The following DLGAP2 variants were observed in gnomAD, a reference collection of about 807,000 sequenced individuals.
DLGAP2 encodes the protein DLG associated protein 2, also known as disks large-associated protein 2.
DLGAP2 carries 26 observed loss-of-function variants against 100.3 expected under a neutral mutation model. The ratio of observed to expected loss-of-function variants is 0.26; its 90% CI spans 0.19 to 0.36. The LOEUF (loss-of-function observed/expected upper bound fraction) is 0.36, where lower values mean the gene tolerates loss of function less well. Ranked by LOEUF, DLGAP2 falls within the 10% of genes least tolerant of loss-of-function variation. DLGAP2 has a pLI of 1.00. For missense variants in DLGAP2, 1,858 were observed against 1,453.2 expected (o/e 1.28, Z -4.53); for synonymous variants, 886 against 630.1 (o/e 1.41, Z -6.08).
chr8:1,479,005 G>T (rs1395865263), intron 3 of DLGAP2, among the ~76,000 whole-genome samples: 2 of 152,234 alleles, frequency 1.3e-5, no homozygotes, highest in African/African-American at 4.8e-5. Flanking sequence ...TAATTTATTA[G>T]CATTTCACAA....
At chr8:972,360 A>C (rs1467421178) in intron 2 of DLGAP2, among the ~76,000 whole-genome samples, 1 of 152,246 alleles carries the variant, frequency 6.6e-6, no homozygotes, top group African/African-American at 2.4e-5. Flanking sequence ...TTATCAACAG[A>C]TAGTGCTAAG....
chr8:997,806 T>C (rs1409073190), intron 2 of DLGAP2, among the ~76,000 whole-genome samples: 2 of 152,172 alleles, frequency 1.3e-5, no homozygotes, highest in Non-Finnish European at 2.9e-5. Flanking sequence ...TTAAATTTGC[T>C]TATACCTATG....
At chr8:1,610,251 A>G (rs981624689) in intron 6 of DLGAP2, among the ~76,000 whole-genome samples, 7 of 152,232 alleles carry the variant, frequency 4.6e-5, no homozygotes, top group Admixed American at 6.5e-5. Flanking sequence ...AAACTGCTCA[A>G]CTACATGGAA....
chr8:1,179,521 G>T (rs537403138), intron 2 of DLGAP2, among the ~76,000 whole-genome samples: 3 of 152,384 alleles, frequency 2.0e-5, no homozygotes, highest in African/African-American at 2.4e-5. Flanking sequence ...CTGCTGGGAT[G>T]AGGCTTCCAC....
At position 1,023,424 on chromosome 8, in the gene DLGAP2, G is replaced by A. The variant is rs138859225; in HGVS notation, c.73+115458G>A. On this transcript the variant is annotated intron_variant, in intron 2 of 14. Coordinates refer to ENST00000637795, the MANE Select transcript of DLGAP2 (RefSeq NM_001346810.2). ...TCCCAGGCCAGATTCTAACTCCTGG[G>A]TTCAAGCAGCATCCCATGACCTGAG... is the stretch of plus-strand genomic sequence containing the variant. Among the ~76,000 whole-genome samples, 811 of 152,266 alleles carry A rather than the reference G, an allele frequency of 5.3e-3. 6 individuals are homozygous for A. The highest frequency in any genetic ancestry group is 0.014 in the Middle Eastern group (4 of 294).
chr8:771,347 A>G (rs1388648161), intron 1 of DLGAP2, among the ~76,000 whole-genome samples: 2 of 152,232 alleles, frequency 1.3e-5, no homozygotes, highest in Admixed American at 1.3e-4. Context: ...TTAGATTTAA[A>G]TACGTTTCAT....
intron 2 of DLGAP2, among the ~76,000 whole-genome samples, chr8:948,770 G>T (rs1799398213): frequency 6.6e-6 from 1 of 152,274 alleles, no homozygotes; most frequent in South Asian, 2.1e-4. Flanking sequence ...AGGCCGTGGG[G>T]AGCCAGCCTT....
intron 1 of DLGAP2, among the ~76,000 whole-genome samples, chr8:776,604 T>C (rs1467487719): frequency 1.3e-5 from 2 of 152,266 alleles, no homozygotes; most frequent in African/African-American, 4.8e-5. Flanking sequence ...CATTTCGTTA[T>C]GTACCCAGTA....
At chr8:1,176,698 C>A (rs1797266619) in intron 2 of DLGAP2, among the ~76,000 whole-genome samples, 1 of 152,116 alleles carries the variant, frequency 6.6e-6, no homozygotes, top group African/African-American at 2.4e-5. Flanking sequence ...GCCCAGGGCT[C>A]CGTCTGCCAT....
In DLGAP2 at chr8:1,232,920, C is replaced by T. The variant is rs116886342; in HGVS notation, c.74-25931C>T. ...AGAATATTTTATCATCATTAGTAAC[C>T]ACTCCCATTCTAGGCCCACCCCCTG... On this transcript the variant is annotated intron_variant, in intron 2 of 14. Transcript: ENST00000637795. Among the ~76,000 whole-genome samples, 1,099 of 152,246 alleles carry T rather than the reference C, an allele frequency of 7.2e-3. 5 individuals carry two copies. Among genetic ancestry groups the T allele is most frequent in the South Asian group, 0.024 (115 of 4,814 alleles).
intron 2 of DLGAP2, among the ~76,000 whole-genome samples, chr8:1,245,594 G>A (rs545685679): frequency 4.6e-5 from 7 of 152,332 alleles, no homozygotes; most frequent in South Asian, 4.1e-4. Context: ...ATGGAAATGA[G>A]GGTTAACTGC....
intron 1 of DLGAP2, among the ~76,000 whole-genome samples, chr8:796,999 A>C (rs966089796): frequency 2.6e-5 from 4 of 152,268 alleles, no homozygotes; most frequent in Non-Finnish European, 4.4e-5. Context: ...CCCTGTTTGC[A>C]GATAGTATCT....
At chr8:1,112,402 G>A (rs556984381) in intron 2 of DLGAP2, among the ~76,000 whole-genome samples, 14 of 151,812 alleles carry the variant, frequency 9.2e-5, no homozygotes, top group Admixed American at 5.3e-4. Context: ...CACTACACCC[G>A]GCTAATTTTT....
chr8:1,478,520 T>C (rs1205028788), intron 3 of DLGAP2, among the ~76,000 whole-genome samples: 1 of 152,188 alleles, frequency 6.6e-6, no homozygotes, highest in Non-Finnish European at 1.5e-5. Flanking sequence ...CCTTTCTCTA[T>C]TCCTCTCTCC....
At chr8:1,160,713 G>C (rs1796872930) in intron 2 of DLGAP2, among the ~76,000 whole-genome samples, 1 of 152,246 alleles carries the variant, frequency 6.6e-6, no homozygotes, top group Non-Finnish European at 1.5e-5. Flanking sequence ...ACATCAGCAT[G>C]GTGCAGACCA....
intron 1 of DLGAP2, among the ~76,000 whole-genome samples, chr8:775,205 C>G (rs1393396927): frequency 1.3e-5 from 2 of 151,302 alleles, no homozygotes; most frequent in African/African-American, 4.8e-5. Flanking sequence ...ATTTTGTATC[C>G]TGAGACTTTG....
At chr8:743,259 C>T (rs540784648) in intron 1 of DLGAP2, among the ~76,000 whole-genome samples, 2 of 152,278 alleles carry the variant, frequency 1.3e-5, no homozygotes, top group Admixed American at 1.3e-4. Context: ...TGACACTGAG[C>T]TTCCAGGGAG....
At chr8:1,660,495 C>G (rs2130823944) in intron 8 of DLGAP2, among the ~76,000 whole-genome samples, 1 of 152,322 alleles carries the variant, frequency 6.6e-6, no homozygotes, top group South Asian at 2.1e-4. Flanking sequence ...CTGGTCTTCA[C>G]ACACAGATCC....
intron 1 of DLGAP2, among the ~76,000 whole-genome samples, chr8:836,091 G>T (rs1476145509): frequency 6.6e-6 from 1 of 152,162 alleles, no homozygotes; most frequent in East Asian, 1.9e-4. Flanking sequence ...GGAGCACAGC[G>T]GCGGCGCAAC....
Sources: allele counts gnomAD v4.1 joint callset (sites outside exome capture counted in the v4.1 genomes callset), GRCh38; gene constraint gnomAD v4.1.1; transcripts MANE v1.5; gene names NCBI Gene and HGNC (gene_info 2026-07-23, HGNC 2026-07-21).